The following KCNIP4 variants were observed in gnomAD, a reference collection of about 807,000 sequenced individuals.
KCNIP4 encodes the protein potassium voltage-gated channel interacting protein 4.
A neutral mutation model predicts 34.0 loss-of-function variants in KCNIP4; 12 were observed. The observed-to-expected ratio is 0.35, with a 90% CI of 0.23 to 0.57. The LOEUF is 0.57. Among genes scored for constraint, KCNIP4 ranks in the 20% least tolerant of loss-of-function variants. KCNIP4 has a pLI of 0.83. For synonymous variants in KCNIP4, 124 were observed against 102.2 expected (o/e 1.21, Z -1.29); for missense variants, 238 against 311.7 (o/e 0.76, Z 1.78).
intron 1 of KCNIP4, among the ~76,000 whole-genome samples, chr4:21,762,126 A>G (rs1240166677): frequency 6.6e-6 from 1 of 152,186 alleles, no homozygotes; most frequent in East Asian, 1.9e-4. Flanking sequence ...TTAAAAAGTA[A>G]TATGTGCCAC....
At chr4:21,242,318 A>T (rs1414279597) in intron 1 of KCNIP4, among the ~76,000 whole-genome samples, 1 of 152,156 alleles carries the variant, frequency 6.6e-6, no homozygotes. Flanking sequence ...TTAAAAAAAG[A>T]AATCTTTGCT....
chr4:20,983,758 G>A (rs981369955), intron 1 of KCNIP4: 19 of 1,382,038 alleles, frequency 1.4e-5, no homozygotes, highest in African/African-American at 2.9e-5. Flanking sequence ...TGCAGCATCT[G>A]TATCTACTTC....
chr4:21,291,310 A>G (rs1468245454), intron 1 of KCNIP4, among the ~76,000 whole-genome samples: 1 of 128,754 alleles, frequency 7.8e-6, no homozygotes, highest in Non-Finnish European at 1.7e-5. Flanking sequence ...ATGTGTGTGG[A>G]GTGTGCTAGA....
At chr4:21,261,052 T>C (rs1180535317) in intron 1 of KCNIP4, among the ~76,000 whole-genome samples, 2 of 152,144 alleles carry the variant, frequency 1.3e-5, no homozygotes, top group Non-Finnish European at 2.9e-5. Flanking sequence ...CTCACCCCCA[T>C]GATGATCCTA....
At chr4:20,789,755 A>G (rs776524761) in intron 3 of KCNIP4, among the ~76,000 whole-genome samples, 8 of 151,142 alleles carry the variant, frequency 5.3e-5, no homozygotes, top group African/African-American at 1.7e-4. Context: ...ATGAGACATC[A>G]TCCTAGATCA....
chr4:21,692,563 T>C (rs895649722), intron 1 of KCNIP4, among the ~76,000 whole-genome samples: 2 of 152,192 alleles, frequency 1.3e-5, no homozygotes, highest in Non-Finnish European at 2.9e-5. Context: ...AGCTTCAGAA[T>C]AGGTTTCAAT....
chr4:21,332,994 C>A (rs1182660018), intron 1 of KCNIP4, among the ~76,000 whole-genome samples: 2 of 151,994 alleles, frequency 1.3e-5, no homozygotes, highest in African/African-American at 2.4e-5. Flanking sequence ...CAGCTCGGAG[C>A]CTTTGCACAA....
chr4:21,304,352 C>T (rs886677214), intron 1 of KCNIP4, among the ~76,000 whole-genome samples: 7 of 152,160 alleles, frequency 4.6e-5, no homozygotes, highest in Non-Finnish European at 7.3e-5. Context: ...CAGGAGGTCA[C>T]CAGGAACGTC....
chr4:20,917,225 A>G (rs1043801474), intron 1 of KCNIP4, among the ~76,000 whole-genome samples: 2 of 151,284 alleles, frequency 1.3e-5, no homozygotes, highest in Non-Finnish European at 1.5e-5. Flanking sequence ...TTTAGTAGAA[A>G]GGAAGTTTCC....
At chr4:21,925,727 CT>C (rs1363802494) in intron 1 of KCNIP4, among the ~76,000 whole-genome samples, 2 of 152,146 alleles carry the variant, frequency 1.3e-5, no homozygotes, top group Non-Finnish European at 2.9e-5. Context: ...CAACCATGAA[CT>C]TTCTTTGGTA....
At chr4:20,738,946 C>T (rs574970393) in intron 5 of KCNIP4, among the ~76,000 whole-genome samples, 1 of 152,338 alleles carries the variant, frequency 6.6e-6, no homozygotes, top group African/African-American at 2.4e-5. Context: ...TTATATACTG[C>T]ACCTGGCTCA....
At chr4:21,764,128 A>T (rs10014212) in intron 1 of KCNIP4, among the ~76,000 whole-genome samples, 1,977 of 152,286 alleles carry the variant, frequency 0.013, 35 homozygotes, top group African/African-American at 0.045. Context: ...CAGAAAGGGA[A>T]ATCATATATG....
chr4:21,417,120 TC>T (rs1725017296), intron 1 of KCNIP4, among the ~76,000 whole-genome samples: 1 of 152,150 alleles, frequency 6.6e-6, no homozygotes, highest in South Asian at 2.1e-4. Context: ...TCTCAAGAGA[TC>T]AGGGTCTTCA....
chr4:20,735,725 T>A (rs1578431513), intron 5 of KCNIP4, among the ~76,000 whole-genome samples: 2 of 151,902 alleles, frequency 1.3e-5, no homozygotes. Flanking sequence ...TTGGTAGAGA[T>A]GGGGTTTCAC....
intron 1 of KCNIP4, among the ~76,000 whole-genome samples, chr4:20,957,282 G>A (rs1046405306): frequency 2.6e-5 from 4 of 152,102 alleles, no homozygotes; most frequent in Non-Finnish European, 2.9e-5. Context: ...TGACACCACT[G>A]TTGATTTATA....
chr4:20,774,636 A>G (rs558220339), intron 3 of KCNIP4, among the ~76,000 whole-genome samples: 1 of 152,360 alleles, frequency 6.6e-6, no homozygotes, highest in East Asian at 1.9e-4. Context: ...GATAAGTGCT[A>G]CAAACCAAGT....
intron 1 of KCNIP4, among the ~76,000 whole-genome samples, chr4:21,224,612 A>G (rs1382708112): frequency 1.1e-5 from 1 of 92,048 alleles, no homozygotes; most frequent in Non-Finnish European, 1.9e-5. Context: ...TTTCAGATGG[A>G]GTCTTGCTCT....
chr4:21,145,206 A>G (rs1230379653), intron 1 of KCNIP4, among the ~76,000 whole-genome samples: 1 of 152,220 alleles, frequency 6.6e-6, no homozygotes, highest in Admixed American at 6.5e-5. Flanking sequence ...CATGCAAAGA[A>G]GTAACCCTAA....
At chr4:21,438,437 T>C (rs1426527805) in intron 1 of KCNIP4, among the ~76,000 whole-genome samples, 1 of 152,222 alleles carries the variant, frequency 6.6e-6, no homozygotes, top group East Asian at 1.9e-4. Context: ...AAGAAATACA[T>C]ATTACTGTAA....
Sources: allele counts gnomAD v4.1 joint callset (sites outside exome capture counted in the v4.1 genomes callset), GRCh38; gene constraint gnomAD v4.1.1; transcripts MANE v1.5; gene names NCBI Gene and HGNC (gene_info 2026-07-23, HGNC 2026-07-21).